Variants in TMEM132D observed in about 807,000 individuals in gnomAD.
The protein encoded by TMEM132D is mature OL transmembrane protein.
TMEM132D carries 21 observed loss-of-function variants against 62.3 expected under a neutral mutation model. The ratio of observed to expected loss-of-function variants is 0.34; its 90% CI spans 0.24 to 0.49. TMEM132D has a LOEUF of 0.49. Among genes scored for constraint, TMEM132D ranks in the 20% least tolerant of loss-of-function variants. The pLI is 0.99. For synonymous variants in TMEM132D, 621 were observed against 575.6 expected (o/e 1.08, Z -1.13); for missense variants, 1,346 against 1,402.8 (o/e 0.96, Z 0.65).
At chr12:129,182,108 A>T (rs7305039) in intron 5 of TMEM132D, among the ~76,000 whole-genome samples, 64,806 of 151,972 alleles carry the variant, frequency 0.43, 14,205 homozygotes, top group East Asian at 0.63. Flanking sequence ...ATGCCTGTAA[A>T]CCAAGCACTT....
intron 4 of TMEM132D, among the ~76,000 whole-genome samples, chr12:129,291,101 G>C (rs1433720883): frequency 6.6e-6 from 1 of 152,170 alleles, no homozygotes; most frequent in Non-Finnish European, 1.5e-5. Context: ...TTCGTTGCAG[G>C]TATCTGGACT....
intron 3 of TMEM132D, among the ~76,000 whole-genome samples, chr12:129,404,800 C>T (rs1049957391): frequency 2.0e-5 from 3 of 151,984 alleles, no homozygotes; most frequent in Non-Finnish European, 2.9e-5. Context: ...TCTGTCCCCA[C>T]GATCTGATCA....
chr12:129,232,888 C>A lies in TMEM132D; in HGVS notation c.1300-23225G>T, dbSNP rs528391838. Among the ~76,000 whole-genome samples the A allele has an allele frequency of 5.3e-5, 8 of 152,088 alleles. No individual in the cohort carries two copies. The South Asian group carries it at 1.7e-3, about 32-fold the overall frequency. On this transcript the variant is annotated intron_variant, in intron 4 of 8. Transcript: ENST00000422113. ...GTACCACACTTTTAAACCATCAGAT[C>A]TCATGAGAACTCCCTCACTATCATG...
intron 1 of TMEM132D, among the ~76,000 whole-genome samples, chr12:129,803,707 AAG>A (rs1871875189): frequency 2.0e-5 from 3 of 151,894 alleles, no homozygotes. Context: ...AACTGAAGGA[AAG>A]AGAGACACAA....
chr12:129,144,079 G>A (rs778804904), intron 5 of TMEM132D, among the ~76,000 whole-genome samples: 1 of 152,026 alleles, frequency 6.6e-6, no homozygotes, highest in South Asian at 2.1e-4. Flanking sequence ...GGGCTGAGAT[G>A]TTACATCCTC....
At chr12:129,624,361 AC>A (rs1011361509) in intron 2 of TMEM132D, among the ~76,000 whole-genome samples, 27 of 152,158 alleles carry the variant, frequency 1.8e-4, no homozygotes, top group African/African-American at 5.1e-4. Flanking sequence ...CAAAACTGGG[AC>A]CCCCAAATGG....
At chr12:129,123,490 C>T (rs1347015458) in intron 5 of TMEM132D, among the ~76,000 whole-genome samples, 1 of 152,178 alleles carries the variant, frequency 6.6e-6, no homozygotes, top group Admixed American at 6.5e-5. Context: ...TGCTACTCTC[C>T]TCCTCTCTGT....
At chr12:129,783,375 T>C (rs1871173303) in intron 1 of TMEM132D, among the ~76,000 whole-genome samples, 1 of 152,222 alleles carries the variant, frequency 6.6e-6, no homozygotes, top group Non-Finnish European at 1.5e-5. Flanking sequence ...AATATGGTTA[T>C]AAATATCATC....
chr12:129,818,926 T>C (rs1173571893), intron 1 of TMEM132D, among the ~76,000 whole-genome samples: 1 of 151,798 alleles, frequency 6.6e-6, no homozygotes, highest in Non-Finnish European at 1.5e-5. Flanking sequence ...CCCCAGCTAC[T>C]CAGGAGGCTG....
intron 1 of TMEM132D, among the ~76,000 whole-genome samples, chr12:129,899,628 C>T (rs1000588243): frequency 2.6e-5 from 4 of 152,128 alleles, no homozygotes; most frequent in Non-Finnish European, 5.9e-5. Context: ...TGTAGCATAG[C>T]TTCTATAATA....
intron 1 of TMEM132D, among the ~76,000 whole-genome samples, chr12:129,758,125 G>C (rs191451469): frequency 6.6e-6 from 1 of 152,094 alleles, no homozygotes; most frequent in African/African-American, 2.4e-5. Context: ...GGCTGGTCTC[G>C]AACTCCCGAC....
At chr12:129,693,733 C>T (rs1055689782) in intron 2 of TMEM132D, among the ~76,000 whole-genome samples, 1 of 152,082 alleles carries the variant, frequency 6.6e-6, no homozygotes, top group Non-Finnish European at 1.5e-5. Flanking sequence ...AGAGAGCATG[C>T]GTATTTTGAC....
chr12:129,368,290 T>C (rs1321820739), intron 3 of TMEM132D, among the ~76,000 whole-genome samples: 1 of 152,060 alleles, frequency 6.6e-6, no homozygotes, highest in Non-Finnish European at 1.5e-5. Context: ...CATATGTATA[T>C]ATGCACACAT....
At chr12:129,220,332 ACTTC>A (rs1879315472) in intron 4 of TMEM132D, among the ~76,000 whole-genome samples, 1 of 152,114 alleles carries the variant, frequency 6.6e-6, no homozygotes, top group South Asian at 2.1e-4. Flanking sequence ...ATGCCCACAC[ACTTC>A]CTTTTCCCCA....
Position 129,455,531 on chromosome 12 carries a change from C to T in TMEM132D, c.1115+75528G>A, listed in dbSNP as rs368665704. On this transcript the variant is annotated intron_variant, in intron 3 of 8. Transcript: ENST00000422113. Reference sequence around the variant, plus strand: ...GACAAAACATAAATAGTAGTAAAAACATGAAAGAGAATGAAAATAGCTTTG... The same window carrying T: ...GACAAAACATAAATAGTAGTAAAAATATGAAAGAGAATGAAAATAGCTTTG... Among the ~76,000 whole-genome samples the T allele has an allele frequency of 1.2e-4, 19 of 152,218 alleles. No individual in the cohort carries two copies. The East Asian group carries it at 2.7e-3, about 22-fold the overall frequency.
intron 6 of TMEM132D, among the ~76,000 whole-genome samples, chr12:129,082,755 G>C (rs1874494408): frequency 6.6e-6 from 1 of 152,096 alleles, no homozygotes; most frequent in South Asian, 2.1e-4. Flanking sequence ...TTTGTGACAG[G>C]GTCTTGCTCT....
intron 1 of TMEM132D, among the ~76,000 whole-genome samples, chr12:129,742,274 A>T (rs1429868704): frequency 6.6e-6 from 1 of 152,216 alleles, no homozygotes; most frequent in East Asian, 1.9e-4. Flanking sequence ...CAGCTGTGCA[A>T]GTATGGTACC....
chr12:129,646,573 T>C (rs1255096937), intron 2 of TMEM132D, among the ~76,000 whole-genome samples: 1 of 152,096 alleles, frequency 6.6e-6, no homozygotes, highest in Non-Finnish European at 1.5e-5. Context: ...CACCCAGAGA[T>C]AAATACTCCT....
At chr12:129,591,161 T>C (rs1300559946) in intron 2 of TMEM132D, among the ~76,000 whole-genome samples, 1 of 151,950 alleles carries the variant, frequency 6.6e-6, no homozygotes, top group East Asian at 1.9e-4. Context: ...GGAATGAAGG[T>C]TGAGGAAGAA....
Sources: gnomAD v4.1 joint callset for allele counts (sites outside exome capture counted in the v4.1 genomes callset) on GRCh38, gnomAD v4.1.1 for gene constraint, MANE v1.5 for transcripts, NCBI Gene and HGNC (gene_info 2026-07-23, HGNC 2026-07-21) for gene names.